Variants in YLPM1 observed in about 807,000 individuals in gnomAD.
YLPM1 encodes YLP motif containing 1.
YLPM1 carries 99 observed loss-of-function variants against 230.0 expected under a neutral mutation model. That is an observed-to-expected ratio of 0.43 (90% CI 0.37 to 0.51). YLPM1 has a LOEUF of 0.51. Ranked by LOEUF, YLPM1 falls within the 20% of genes least tolerant of loss-of-function variation. The pLI is 0.00. For synonymous variants in YLPM1, 984 were observed against 942.5 expected, an observed-to-expected ratio of 1.04 and a Z score of -0.81; for missense variants, 2,592 against 2,707.7, an observed-to-expected ratio of 0.96 and a Z score of 0.95.
intron 3 of YLPM1, 45 bp downstream of exon 3, chr14:74,780,629 T>A: frequency 1.3e-6 from 2 of 1,516,410 alleles, no homozygotes; most frequent in Non-Finnish European, 1.8e-6. Context: ...CCCAAGACAT[T>A]GAAAGGATTT....
intron 1 of YLPM1, among the ~76,000 whole-genome samples, chr14:74,777,093 A>C (rs937389103): frequency 4.0e-5 from 6 of 151,846 alleles, no homozygotes; most frequent in African/African-American, 1.5e-4. Flanking sequence ...AAGTAGGCAA[A>C]TTTGCAAATA....
intron 19 of YLPM1, among the ~76,000 whole-genome samples, chr14:74,830,704 A>G (rs1015634393): frequency 6.6e-6 from 1 of 152,202 alleles, no homozygotes; most frequent in South Asian, 2.1e-4. Flanking sequence ...AAAGTCTTCA[A>G]TTATGGTGGA....
rs1179793643 is a variant in YLPM1, at chr14:74,829,255, A to G, written c.6206A>G (p.Asp2069Gly). ...AGGACTGGTACTAAAAGGAAACGTGACTGGGAGGCCATTGCCAGCAGAATG... is the reference window on the plus strand; with the variant it reads ...AGGACTGGTACTAAAAGGAAACGTGGCTGGGAGGCCATTGCCAGCAGAATG... Reference protein sequence around the residue: ...GLRTGTKRKRDWEAIASRMED... With the variant: ...GLRTGTKRKRGWEAIASRMED... Residue 2069 changes from aspartate (D) to glycine (G), a missense_variant, in exon 19 of 21, where the codon GAC becomes GGC. Coordinates refer to ENST00000325680, the MANE Select transcript of YLPM1 (RefSeq NM_019589.3). 1.9e-6 allele frequency: 3 copies of G among 1,613,296 alleles called. No individual in the cohort carries two copies. The South Asian group carries it at 3.3e-5, about 18-fold the overall frequency.
intron 19 of YLPM1, chr14:74,834,960 T>C (rs2091633155): frequency 4.0e-6 from 1 of 252,382 alleles, no homozygotes; most frequent in South Asian, 8.2e-5. Flanking sequence ...GTGCTTTGCT[T>C]TCAGGTGAAA....
At chr14:74,834,540 G>A (rs893146870) in intron 19 of YLPM1, among the ~76,000 whole-genome samples, 1 of 152,200 alleles carries the variant, frequency 6.6e-6, no homozygotes, top group African/African-American at 2.4e-5. Flanking sequence ...TCAAAATCCG[G>A]AAGTTAACTG....
chr14:74,775,627 A>G (rs1055249168), intron 1 of YLPM1, among the ~76,000 whole-genome samples: 8 of 152,218 alleles, frequency 5.3e-5, no homozygotes, highest in African/African-American at 1.7e-4. Context: ...AGCAGATTTT[A>G]TATTTGATGG....
intron 1 of YLPM1, among the ~76,000 whole-genome samples, chr14:74,772,516 A>C (rs569094961): frequency 1.3e-5 from 2 of 151,748 alleles, no homozygotes; most frequent in Non-Finnish European, 2.9e-5. Flanking sequence ...GTGCCACCAC[A>C]CCCAGCTAAG....
At chr14:74,790,161 T>C (rs1450089173) in intron 4 of YLPM1, among the ~76,000 whole-genome samples, 1 of 152,196 alleles carries the variant, frequency 6.6e-6, no homozygotes, top group African/African-American at 2.4e-5. Flanking sequence ...GTCACAACTA[T>C]GTTTTGACTG....
In YLPM1 at chr14:74,782,418, A is replaced by T. The variant is rs2091105009; in HGVS notation, c.2282+93A>T. On this transcript the variant is annotated intron_variant, in intron 4 of 20. Coordinates refer to ENST00000325680, the MANE Select transcript of YLPM1 (RefSeq NM_019589.3). ...CGATGGTATAAAAAGCTTCATTTAT[A>T]CAATGTTTATACTCTCTTTGTACTT... 4 of 1,387,438 alleles carry T rather than the reference A, an allele frequency of 2.9e-6. No individual in the cohort carries two copies. In the East Asian group the frequency reaches 9.5e-5, roughly 33 times the overall value. The allele number at this position is 1,387,438 out of a possible 1,614,324, so 85.9% of individuals were successfully genotyped here.
intron 11 of YLPM1, among the ~76,000 whole-genome samples, chr14:74,813,643 G>A (rs2091454023): frequency 6.6e-6 from 1 of 151,842 alleles, no homozygotes; most frequent in Non-Finnish European, 1.5e-5. Flanking sequence ...ACATGTGCAG[G>A]TTCATTACAC....
chr14:74,812,507 A>C (rs1594836974), intron 10 of YLPM1, 121 bp from the exon 11 acceptor site: 1 of 1,000,934 alleles, frequency 1.0e-6, no homozygotes, highest in East Asian at 3.0e-5. Context: ...TTAAAGTTAA[A>C]AGTGGCCCCA....
chr14:74,789,227 C>T (rs2091180471), intron 4 of YLPM1, among the ~76,000 whole-genome samples: 1 of 152,176 alleles, frequency 6.6e-6, no homozygotes, highest in African/African-American at 2.4e-5. Flanking sequence ...GGCAAGCTTT[C>T]TTTTTTATTT....
At chr14:74,802,081 G>A (rs770819597) in intron 5 of YLPM1, among the ~76,000 whole-genome samples, 2 of 152,008 alleles carry the variant, frequency 1.3e-5, no homozygotes, top group African/African-American at 2.4e-5. Flanking sequence ...AGCCGGGCGC[G>A]GTGGTGCATG....
At position 74,781,783 on chromosome 14, in the gene YLPM1, TTCTC is replaced by T; in HGVS notation, c.1746_1749del (p.Ser583LeufsTer63). The T allele has an allele frequency of 6.2e-7, 1 of 1,606,344 alleles. No homozygotes were observed. The highest frequency in any genetic ancestry group is 8.5e-7 in the Non-Finnish European group (1 of 1,178,062). On this transcript the variant is annotated frameshift_variant, in exon 4 of 21. Coordinates refer to ENST00000325680, the MANE Select transcript of YLPM1 (RefSeq NM_019589.3). LOFTEE classifies it high-confidence loss of function. ...CTGTTCCCCCACCAGGGATGCCTCC[TTCTC>T]TCTCTTCTGCAGGGCCACCACCAGT...
chr14:74,778,666 C>G lies in YLPM1; in HGVS notation c.1093C>G (p.Pro365Ala). The G allele has an allele frequency of 6.4e-7, 1 of 1,570,770 alleles. No homozygotes were observed. Among genetic ancestry groups the G allele is most frequent in the Non-Finnish European group, 8.6e-7 (1 of 1,158,352 alleles). The change falls in exon 2 of 21, where the codon CCA (proline) becomes GCA (alanine). Residue 365 changes from proline (P) to alanine (A), a missense_variant. Physicochemically the swap from Pro to Ala is conservative, Grantham distance 27. Transcript: ENST00000325680. ...PPNEEVPPPL[P>A]PEEPQSEDPE... is the part of the protein sequence containing the mutation. ...AAATGAGGAAGTGCCACCTCCTCTC[C>G]CACCTGAGGAACCCCAGGTAACCAT...
At chr14:74,820,465 C>T (rs1430259962) in intron 16 of YLPM1, among the ~76,000 whole-genome samples, 1 of 152,070 alleles carries the variant, frequency 6.6e-6, no homozygotes, top group Admixed American at 6.6e-5. Context: ...CCAGGCTGGT[C>T]TTGAACTCCT....
At position 74,763,480 on chromosome 14, in the gene YLPM1, CT is replaced by C; in HGVS notation, c.-5del. 1 of 1,443,572 alleles carries C rather than the reference CT, an allele frequency of 6.9e-7. No individual in the cohort carries two copies. Among genetic ancestry groups the C allele is most frequent in the Non-Finnish European group, 9.1e-7 (1 of 1,094,132 alleles). 89.4% of individuals were successfully genotyped at this position (1,443,572 alleles called of 1,614,324 possible). ...GGCGCCAGGACGAGCCCTGCGCCTT[CT>C]TTTTCGATATGTACCCGAATTGGGG... On this transcript the variant is annotated 5_prime_UTR_variant, in exon 1 of 21. Transcript: ENST00000325680.
chr14:74,836,552 A>G lies in YLPM1; in HGVS notation c.*814A>G, dbSNP rs907619710. The G allele has an allele frequency of 2.0e-5, 3 of 151,954 alleles. No homozygotes were observed. Among genetic ancestry groups the G allele is most frequent in the Non-Finnish European group, 2.9e-5 (2 of 67,962 alleles). The allele number at this position is 151,954 out of a possible 1,614,324, so 9.4% of individuals were successfully genotyped here. A position where few individuals can be genotyped will look rare whatever the true frequency, so the allele number is the denominator to read the frequency against. ...CTTCTTCTTTTCACTTTCTGCCTTT[A>G]TGCTGTTAGGTTTTTATTTTTTCCT... is the stretch of plus-strand genomic sequence containing the variant. On this transcript the variant is annotated 3_prime_UTR_variant, in exon 21 of 21. Transcript: ENST00000325680.
At chr14:74,789,322 TTC>T (rs1201158338) in intron 4 of YLPM1, among the ~76,000 whole-genome samples, 4 of 152,214 alleles carry the variant, frequency 2.6e-5, no homozygotes, top group Admixed American at 6.5e-5. Flanking sequence ...GTTCAAGCGA[TTC>T]TCCTGTCTCA....
Sources: allele counts gnomAD v4.1 joint callset (sites outside exome capture counted in the v4.1 genomes callset), GRCh38; gene constraint gnomAD v4.1.1; transcripts MANE v1.5; gene names NCBI Gene and HGNC (gene_info 2026-07-23, HGNC 2026-07-21).